WDPCP: variants seen among roughly 807,000 people sequenced by gnomAD.
WDPCP encodes the protein WD repeat-containing and planar cell polarity effector protein fritz homolog.
In WDPCP, 71 loss-of-function variants were observed where a neutral mutation model predicts 93.1. The ratio of observed to expected loss-of-function variants is 0.76; its 90% CI spans 0.63 to 0.93. The LOEUF (loss-of-function observed/expected upper bound fraction) is 0.93. Among genes scored for constraint, WDPCP ranks in the 40% least tolerant of loss-of-function variants. The probability of loss-of-function intolerance (pLI) is 0.00; values close to 1 mark genes in which losing one functional copy is unlikely to be tolerated. For synonymous variants in WDPCP, 315 were observed against 315.0 expected (o/e 1.00, Z 0.00); for missense variants, 844 against 887.4 (o/e 0.95, Z 0.62).
intron 2 of WDPCP, among the ~76,000 whole-genome samples, chr2:63,659,263 C>A (rs1226136220): frequency 1.3e-5 from 2 of 152,058 alleles, no homozygotes; most frequent in Non-Finnish European, 2.9e-5. Flanking sequence ...TAATAATGGT[C>A]GAGAGAAAAA....
At chr2:63,700,286 AAAAAAAAAAAAAAAAAAC>A (rs1669027092) in intron 2 of WDPCP, among the ~76,000 whole-genome samples, 16 of 125,482 alleles carry the variant, frequency 1.3e-4, no homozygotes. Context: ...CTGTCTCAAA[AAAAAAAAAAAAAAAAAAC>A]AAAAAGAAAA....
chr2:63,353,502 C>G (rs1007507689), intron 12 of WDPCP, among the ~76,000 whole-genome samples: 7 of 152,104 alleles, frequency 4.6e-5, no homozygotes, highest in Admixed American at 3.3e-4. Context: ...AGGGGCAGGC[C>G]ACAATCTTTG....
intron 12 of WDPCP, among the ~76,000 whole-genome samples, chr2:63,363,383 G>A (rs1424205069): frequency 6.6e-6 from 1 of 152,086 alleles, no homozygotes; most frequent in Non-Finnish European, 1.5e-5. Context: ...CAGAATGCTT[G>A]AGCCAGGAGT....
intron 15 of WDPCP, 106 bp from the exon 16 acceptor site, chr2:63,153,680 G>A: frequency 8.9e-6 from 6 of 670,968 alleles, no homozygotes; most frequent in Non-Finnish European, 9.1e-6. Flanking sequence ...TAAAGTTTCT[G>A]GGTTAAAAAA....
intron 13 of WDPCP, among the ~76,000 whole-genome samples, chr2:63,262,304 C>T (rs1356568488): frequency 6.6e-6 from 1 of 151,940 alleles, no homozygotes; most frequent in Non-Finnish European, 1.5e-5. Flanking sequence ...CATAAATGAA[C>T]ATCTGATTAA....
chr2:63,454,489 A>C (rs998930438), intron 6 of WDPCP, among the ~76,000 whole-genome samples: 1 of 151,812 alleles, frequency 6.6e-6, no homozygotes, highest in African/African-American at 2.4e-5. Context: ...GTACCCCAGA[A>C]CTTAACGTAT....
At chr2:63,443,290 A>G (rs772431116) in intron 6 of WDPCP, 4 of 152,186 alleles carry the variant, frequency 2.6e-5, no homozygotes, top group Non-Finnish European at 5.9e-5. Flanking sequence ...GTACAATAGC[A>G]ATAAGAACTA....
intron 14 of WDPCP, among the ~76,000 whole-genome samples, chr2:63,216,224 T>G (rs1485629819): frequency 1.3e-5 from 2 of 152,172 alleles, no homozygotes; most frequent in African/African-American, 2.4e-5. Flanking sequence ...CCCAAAGGAT[T>G]ATAAATCATG....
chr2:63,740,903 G>A (rs967098805), intron 2 of WDPCP, among the ~76,000 whole-genome samples: 2 of 152,110 alleles, frequency 1.3e-5, no homozygotes, highest in South Asian at 2.1e-4. Context: ...TCCTGTCCAT[G>A]AGGAATATAT....
intron 15 of WDPCP, among the ~76,000 whole-genome samples, chr2:63,156,511 A>T (rs1027963303): frequency 9.2e-5 from 14 of 151,938 alleles, no homozygotes; most frequent in Non-Finnish European, 2.1e-4. Flanking sequence ...TGAGGCAGGC[A>T]GATCGCCTGA....
intron 2 of WDPCP, among the ~76,000 whole-genome samples, chr2:63,720,570 C>A (rs929050951): frequency 6.6e-6 from 1 of 152,164 alleles, no homozygotes; most frequent in African/African-American, 2.4e-5. Flanking sequence ...TTTCCACTTA[C>A]CCTCCCCATT....
At chr2:63,674,150 TCTC>T (rs1710377255) in intron 2 of WDPCP, among the ~76,000 whole-genome samples, 1 of 152,204 alleles carries the variant, frequency 6.6e-6, no homozygotes, top group African/African-American at 2.4e-5. Flanking sequence ...ACAAATATTT[TCTC>T]CTCATGGATA....
chr2:63,776,446 G>A (rs1043137760), intron 2 of WDPCP, among the ~76,000 whole-genome samples: 2 of 152,008 alleles, frequency 1.3e-5, no homozygotes, highest in Non-Finnish European at 2.9e-5. Context: ...TTTGAGCCCA[G>A]GAGTTTGGGA....
chr2:63,747,205 A>G (rs924465335), intron 2 of WDPCP, among the ~76,000 whole-genome samples: 4 of 152,200 alleles, frequency 2.6e-5, no homozygotes, highest in Admixed American at 6.5e-5. Context: ...AACATATGCT[A>G]CAAATATTTT....
At chr2:63,229,627 G>C (rs1162117493) in intron 14 of WDPCP, 1 of 151,962 alleles carries the variant, frequency 6.6e-6, no homozygotes, top group African/African-American at 2.4e-5. Context: ...GTAAGGAAGG[G>C]ATCCAGTTTC....
intron 1 of WDPCP, among the ~76,000 whole-genome samples, chr2:63,557,490 G>A (rs1706218532): frequency 6.6e-6 from 1 of 152,154 alleles, no homozygotes; most frequent in Admixed American, 6.5e-5. Flanking sequence ...ACCCAATACA[G>A]GAGCACCCAG....
At chr2:63,499,670 C>T (rs1449818759) in intron 1 of WDPCP, among the ~76,000 whole-genome samples, 2 of 152,110 alleles carry the variant, frequency 1.3e-5, no homozygotes, top group Admixed American at 6.5e-5. Context: ...AAGAAAGAAT[C>T]GACAGCATAT....
intron 13 of WDPCP, among the ~76,000 whole-genome samples, chr2:63,280,027 T>A (rs1193507693): frequency 6.6e-6 from 1 of 152,046 alleles, no homozygotes; most frequent in African/African-American, 2.4e-5. Context: ...ATGGGTAGAA[T>A]CAATATAGTG....
At chr2:63,372,017 C>T (rs748496274) in intron 12 of WDPCP, among the ~76,000 whole-genome samples, 1 of 152,122 alleles carries the variant, frequency 6.6e-6, no homozygotes, top group Non-Finnish European at 1.5e-5. Context: ...TTAATTGGCT[C>T]ATGGTTCTGT....
Sources: allele counts gnomAD v4.1 joint callset (sites outside exome capture counted in the v4.1 genomes callset), GRCh38; gene constraint gnomAD v4.1.1; transcripts MANE v1.5; gene names NCBI Gene and HGNC (gene_info 2026-07-23, HGNC 2026-07-21).